Variants in IMMP2L observed in about 807,000 individuals in gnomAD.
IMMP2L encodes the protein inner mitochondrial membrane peptidase subunit 2.
A neutral mutation model predicts 19.3 loss-of-function variants in IMMP2L; 18 were observed. The observed-to-expected ratio is 0.93, with a 90% confidence interval of 0.64 to 1.38. IMMP2L has a LOEUF of 1.38. Among genes scored for constraint, IMMP2L ranks in the 40% most tolerant of loss-of-function variants. The pLI, the probability that IMMP2L is intolerant of heterozygous loss-of-function variation, is 0.00. For synonymous variants in IMMP2L, 76 were observed against 73.0 expected (o/e 1.04, Z -0.21); for missense variants, 233 against 218.2 (o/e 1.07, Z -0.43).
chr7:110,746,934 A>G (rs1248860132), intron 5 of IMMP2L, among the ~76,000 whole-genome samples: 1 of 152,206 alleles, frequency 6.6e-6, no homozygotes, highest in Non-Finnish European at 1.5e-5. Context: ...GAGACACAAA[A>G]AACCCTTCAA....
intron 3 of IMMP2L, among the ~76,000 whole-genome samples, chr7:110,973,657 A>G: frequency 6.6e-6 from 1 of 152,118 alleles, no homozygotes; most frequent in East Asian, 1.9e-4. Flanking sequence ...TTAAAATGGA[A>G]ACAGACCATG....
intron 5 of IMMP2L, among the ~76,000 whole-genome samples, chr7:110,883,539 T>C (rs561955564): frequency 6.6e-6 from 1 of 152,168 alleles, no homozygotes; most frequent in Admixed American, 6.5e-5. Flanking sequence ...CTATCATAAA[T>C]AGTTTCTGCC....
At chr7:111,195,363 A>C (rs1809353270) in intron 3 of IMMP2L, among the ~76,000 whole-genome samples, 1 of 152,118 alleles carries the variant, frequency 6.6e-6, no homozygotes, top group Non-Finnish European at 1.5e-5. Context: ...TGATCTCAAT[A>C]CAAACTGGAC....
chr7:111,178,588 T>A (rs1201864662), intron 3 of IMMP2L, among the ~76,000 whole-genome samples: 1 of 152,108 alleles, frequency 6.6e-6, no homozygotes, highest in East Asian at 1.9e-4. Context: ...CTGTCACTGC[T>A]TTATCAGCAA....
intron 3 of IMMP2L, among the ~76,000 whole-genome samples, chr7:110,965,968 A>G (rs538772428): frequency 6.6e-6 from 1 of 152,184 alleles, no homozygotes; most frequent in East Asian, 1.9e-4. Context: ...TTACGAATGT[A>G]TGCCAAATTT....
intron 3 of IMMP2L, among the ~76,000 whole-genome samples, chr7:111,014,390 CACACACACAT>C (rs1452429951): frequency 6.6e-6 from 1 of 151,506 alleles, no homozygotes; most frequent in Non-Finnish European, 1.5e-5. Context: ...TATATATATA[CACACACACAT>C]ACACACACAC....
intron 3 of IMMP2L, among the ~76,000 whole-genome samples, chr7:111,145,377 T>C (rs969659697): frequency 4.6e-5 from 7 of 152,216 alleles, no homozygotes; most frequent in Admixed American, 3.9e-4. Flanking sequence ...TATCTTTGTA[T>C]GTCTATTACC....
intron 3 of IMMP2L, among the ~76,000 whole-genome samples, chr7:111,389,981 A>G (rs1832176163): frequency 6.6e-6 from 1 of 152,186 alleles, no homozygotes; most frequent in Admixed American, 6.5e-5. Context: ...GATGATGTAC[A>G]TTGGGGAATT....
At chr7:111,512,455 C>T (rs1011861434) in intron 2 of IMMP2L, among the ~76,000 whole-genome samples, 1 of 144,712 alleles carries the variant, frequency 6.9e-6, no homozygotes, top group Non-Finnish European at 1.5e-5. Flanking sequence ...GATTGCATGA[C>T]TCCATAAGTT....
At chr7:110,880,031 T>G (rs1043964606) in intron 5 of IMMP2L, among the ~76,000 whole-genome samples, 9 of 152,112 alleles carry the variant, frequency 5.9e-5, no homozygotes, top group Non-Finnish European at 8.8e-5. Context: ...ATAACTTCTA[T>G]TTAATGGGAA....
rs140423877 is a variant in IMMP2L at position 110,689,378 on chromosome 7, C to T, written c.409-25657G>A. 3.4e-3 allele frequency among the ~76,000 whole-genome samples: 518 copies of T among 151,910 alleles called. 1 individual carries two copies. The highest frequency in any genetic ancestry group is 5.1e-3 in the Non-Finnish European group (344 of 67,930). On this transcript the variant is annotated intron_variant, in intron 5 of 5. Transcript: ENST00000405709. ...TTTTCCATTTTTTTATTCTATTCTCCATATGTTTTAGCTGCTATTAGATAT... is the reference window on the plus strand; with the variant it reads ...TTTTCCATTTTTTTATTCTATTCTCTATATGTTTTAGCTGCTATTAGATAT...
At chr7:111,315,780 T>C (rs549814059) in intron 3 of IMMP2L, among the ~76,000 whole-genome samples, 1 of 150,226 alleles carries the variant, frequency 6.7e-6, no homozygotes, top group Non-Finnish European at 1.5e-5. Context: ...AGGTGAGTAT[T>C]ACAGATAATA....
At chr7:111,092,941 A>G (rs147976509) in intron 3 of IMMP2L, among the ~76,000 whole-genome samples, 1 of 152,284 alleles carries the variant, frequency 6.6e-6, no homozygotes, top group African/African-American at 2.4e-5. Context: ...TTTTTTCCAC[A>G]ACTGTGATTT....
chr7:111,184,250 T>C (rs899238638), intron 3 of IMMP2L, among the ~76,000 whole-genome samples: 16 of 151,868 alleles, frequency 1.1e-4, no homozygotes, highest in African/African-American at 3.6e-4. Context: ...ATAATGGAAA[T>C]GAGTCAATAA....
chr7:111,474,311 C>T (rs933088020), intron 3 of IMMP2L, among the ~76,000 whole-genome samples: 5 of 152,028 alleles, frequency 3.3e-5, no homozygotes, highest in African/African-American at 1.2e-4. Context: ...ACATGTGCCC[C>T]AGAATCTAAA....
chr7:111,186,204 C>T (rs1349366879), intron 3 of IMMP2L, among the ~76,000 whole-genome samples: 1 of 151,476 alleles, frequency 6.6e-6, no homozygotes, highest in Non-Finnish European at 1.5e-5. Flanking sequence ...GTCCATGATG[C>T]AAAGAAAGGC....
At chr7:111,017,077 A>T (rs559706465) in intron 3 of IMMP2L, among the ~76,000 whole-genome samples, 7 of 144,362 alleles carry the variant, frequency 4.8e-5, no homozygotes, top group Non-Finnish European at 1.0e-4. Context: ...TTATTTATTT[A>T]TTTATTTATT....
intron 3 of IMMP2L, among the ~76,000 whole-genome samples, chr7:111,038,704 C>T (rs974395404): frequency 1.3e-5 from 2 of 152,058 alleles, no homozygotes; most frequent in Admixed American, 1.3e-4. Flanking sequence ...GTTAAATAAT[C>T]TATGGAGAAG....
At chr7:111,502,809 A>G (rs1050589080) in intron 2 of IMMP2L, among the ~76,000 whole-genome samples, 9 of 151,372 alleles carry the variant, frequency 5.9e-5, no homozygotes, top group African/African-American at 1.7e-4. Flanking sequence ...TCTCTGGGAC[A>G]CATTCAAAGC....
Sources: allele counts gnomAD v4.1 joint callset (sites outside exome capture counted in the v4.1 genomes callset), GRCh38; gene constraint gnomAD v4.1.1; transcripts MANE v1.5; gene names NCBI Gene and HGNC (gene_info 2026-07-23, HGNC 2026-07-21).